Variants in UNC80 observed in about 807,000 individuals in gnomAD.
UNC80 encodes the protein protein unc-80 homolog.
A neutral mutation model predicts 384.6 loss-of-function variants in UNC80; 164 were observed. That is an observed-to-expected ratio of 0.43 (90% CI 0.38 to 0.49). The LOEUF (loss-of-function observed/expected upper bound fraction) is 0.49. Ranked by LOEUF, UNC80 falls within the 20% of genes least tolerant of loss-of-function variation. The pLI is 0.00. For missense variants in UNC80, 3,330 were observed against 4,143.0 expected, an observed-to-expected ratio of 0.80 and a Z score of 5.39; for synonymous variants, 1,486 against 1,527.8, an observed-to-expected ratio of 0.97 and a Z score of 0.64.
At chr2:209,840,444 T>A in intron 19 of UNC80, 98 bp from the exon 20 acceptor site, 1 of 983,188 alleles carries the variant, frequency 1.0e-6, no homozygotes, top group Non-Finnish European at 1.6e-6. Flanking sequence ...TACCAAGCCA[T>A]GTAACTTTCA....
chr2:209,789,009 T>G (rs1227314112), intron 5 of UNC80, among the ~76,000 whole-genome samples: 2 of 152,186 alleles, frequency 1.3e-5, no homozygotes, highest in African/African-American at 2.4e-5. Flanking sequence ...GTGTTATAAA[T>G]GCCTACAGGA....
intron 56 of UNC80, among the ~76,000 whole-genome samples, chr2:209,975,663 AC>A (rs911432054): frequency 1.7e-4 from 26 of 152,240 alleles, no homozygotes; most frequent in African/African-American, 6.3e-4. Context: ...TTTTAGTAAC[AC>A]AAATATTTAT....
Position 209,896,636 on chromosome 2 carries a change from A to G in UNC80, c.4581+223A>G, listed in dbSNP as rs923326157. On this transcript the variant is annotated intron_variant, in intron 28 of 64. Coordinates refer to ENST00000673920, the MANE Select transcript of UNC80 (RefSeq NM_001371986.1). ...TAACTAAGACCAAGTTTTTTTGGTT[A>G]TGGCTGGCTTGCAGGTCACCATAAA... Among the ~76,000 whole-genome samples, 3 of 152,170 alleles carry G rather than the reference A, an allele frequency of 2.0e-5. No homozygotes were observed. The East Asian group carries it at 5.8e-4, about 29-fold the overall frequency.
Position 209,973,251 on chromosome 2 carries a change from C to T in UNC80, c.8568C>T (p.Thr2856=). 1 of 1,551,640 alleles carries T rather than the reference C, an allele frequency of 6.4e-7. No individual in the cohort carries two copies. Among genetic ancestry groups the T allele is most frequent in the Non-Finnish European group, 8.7e-7 (1 of 1,146,976 alleles). Residue 2856 remains threonine, a synonymous_variant, in exon 56 of 65, where the codon ACC becomes ACT. Transcript: ENST00000673920. The part of the protein sequence containing the change: ...DLRREGLAES[T]SQAAYLALKV... ...GCAGGGAAGGGCTGGCTGAGTCCAC[C>T]AGCCAAGCAGCATACTTGGGTTGGT...
intron 7 of UNC80, among the ~76,000 whole-genome samples, chr2:209,805,908 TG>T (rs1223360714): frequency 6.6e-6 from 1 of 152,162 alleles, no homozygotes; most frequent in Non-Finnish European, 1.5e-5. Flanking sequence ...TCGGGGGCTA[TG>T]TTGGAGGCTG....
intron 56 of UNC80, among the ~76,000 whole-genome samples, chr2:209,974,149 G>A (rs1316805286): frequency 6.6e-6 from 1 of 152,164 alleles, no homozygotes; most frequent in Non-Finnish European, 1.5e-5. Flanking sequence ...GCAGATATTG[G>A]TGAGAAGTAT....
rs777675628 is a variant in UNC80 at position 209,777,453 on chromosome 2, G to T, written c.494G>T (p.Ser165Ile). The T allele has an allele frequency of 1.2e-6, 2 of 1,614,184 alleles. No individual in the cohort carries two copies. The highest frequency in any genetic ancestry group is 1.7e-6 in the Non-Finnish European group (2 of 1,180,028). Residue 165 changes from serine (S) to isoleucine (I), a missense_variant, in exon 4 of 65, where the codon AGC becomes ATC. This residue lies in a region of UNC80 where 937 missense variants were observed against 1,026.8 expected (regional missense o/e 0.91). Coordinates refer to ENST00000673920, the MANE Select transcript of UNC80 (RefSeq NM_001371986.1). ...TCTCCAGGGCAGCCTTGCCAAAGCA[G>T]CTCTAATGACGAAGAAGAGAACAAC... ...QGSPGQPCQS[S>I]SNDEEENNRR...
At position 209,839,209 on chromosome 2, in the gene UNC80, T is replaced by G; in HGVS notation, c.3042-13T>G. 1 of 1,550,968 alleles carries G rather than the reference T, an allele frequency of 6.4e-7. No homozygotes were observed. The highest frequency in any genetic ancestry group is 8.7e-7 in the Non-Finnish European group (1 of 1,146,806). ...TTGTCAGAAGTTTAACCCTATCCTC[T>G]GCTTGCCTACAGCGATGAACAAATG... is the stretch of plus-strand genomic sequence containing the variant. On this transcript the variant is annotated splice_polypyrimidine_tract_variant and intron_variant, in intron 18 of 64. Transcript: ENST00000673920. The surrounding 1 kb of genome is among the most constrained non-coding windows in gnomAD (Gnocchi z 4.1).
intron 60 of UNC80, 29 bp from the exon 61 acceptor site, chr2:209,984,827 A>C: frequency 6.6e-7 from 1 of 1,514,784 alleles, no homozygotes; most frequent in Non-Finnish European, 8.8e-7. Context: ...TCTTTCCCTA[A>C]ATGCTTCATC....
intron 22 of UNC80, among the ~76,000 whole-genome samples, chr2:209,870,847 A>G (rs1490983925): frequency 6.6e-6 from 1 of 152,172 alleles, no homozygotes; most frequent in Non-Finnish European, 1.5e-5. Context: ...AAGGGTTCTC[A>G]GAGGAGGTAA....
chr2:209,993,239 A>G, intron 62 of UNC80, 76 bp from the exon 63 acceptor site: 4 of 1,102,818 alleles, frequency 3.6e-6, no homozygotes, highest in Non-Finnish European at 5.2e-6. Flanking sequence ...ATCCACAGAA[A>G]CATATAAATA....
At chr2:209,888,684 C>T (rs1401011605) in intron 26 of UNC80, among the ~76,000 whole-genome samples, 6 of 152,110 alleles carry the variant, frequency 3.9e-5, no homozygotes, top group Non-Finnish European at 8.8e-5. Flanking sequence ...GGCACAATCT[C>T]GGCCCACTGC....
chr2:209,973,081 C>A lies in UNC80; in HGVS notation c.8398C>A (p.Gln2800Lys), dbSNP rs141080956. Residue 2800 changes from glutamine to lysine, a missense_variant, in exon 56 of 65, where the codon CAG (glutamine) becomes AAG (lysine). Gln to Lys is a moderately conservative substitution (Grantham distance 53). This residue lies in a region of UNC80 where 1,049 missense variants were observed against 1,488.6 expected (regional missense o/e 0.70). Transcript: ENST00000673920. ...CCCCTCAGATAGCCCATGGCTGGAG[C>A]AGCCTGAGGTGCAGCTGCTGCTGCA... ...SGSKDSPWLE[Q>K]PEVQLLLQTV... 6.4e-7 allele frequency: 1 copy of A among 1,551,564 alleles called. No homozygotes were observed. Among genetic ancestry groups the A allele is most frequent in the Non-Finnish European group, 8.7e-7 (1 of 1,146,982 alleles).
intron 26 of UNC80, among the ~76,000 whole-genome samples, chr2:209,892,938 G>A (rs2086480691): frequency 6.6e-6 from 1 of 152,160 alleles, no homozygotes; most frequent in Non-Finnish European, 1.5e-5. Flanking sequence ...TGTTCAGGGA[G>A]CTCCATGGGG....
intron 61 of UNC80, 122 bp from the exon 62 acceptor site, chr2:209,992,044 C>T (rs1363177005): frequency 1.0e-5 from 7 of 702,444 alleles, no homozygotes; most frequent in Non-Finnish European, 1.4e-5. Context: ...TCCCAACCAT[C>T]CTTCAAAGAT....
At chr2:209,793,301 C>T (rs2077942578) in intron 6 of UNC80, among the ~76,000 whole-genome samples, 1 of 152,166 alleles carries the variant, frequency 6.6e-6, no homozygotes, top group South Asian at 2.1e-4. Context: ...TAACCTTGTA[C>T]TTCTGTTCTC....
At chr2:209,903,281 A>T in intron 28 of UNC80, among the ~76,000 whole-genome samples, 2 of 119,586 alleles carry the variant, frequency 1.7e-5, no homozygotes, top group East Asian at 2.7e-4. Flanking sequence ...GAGCTGACTT[A>T]TGTGTGTGTG....
intron 28 of UNC80, among the ~76,000 whole-genome samples, chr2:209,899,549 C>A (rs1351856958): frequency 1.3e-5 from 2 of 152,180 alleles, no homozygotes; most frequent in Non-Finnish European, 2.9e-5. Flanking sequence ...AGAGGATTCA[C>A]CCTGTCCTCT....
intron 17 of UNC80, among the ~76,000 whole-genome samples, chr2:209,834,587 T>A (rs1300296040): frequency 3.3e-5 from 5 of 152,202 alleles, no homozygotes; most frequent in Non-Finnish European, 7.3e-5. Context: ...TAGCCTGTTG[T>A]TTTTCCTTCT....
Sources: gnomAD v4.1 joint callset for allele counts (sites outside exome capture counted in the v4.1 genomes callset) on GRCh38, gnomAD v4.1.1 for gene constraint, gnomAD v4.1.1 regional missense constraint, Gnocchi (gnomAD v3.1) non-coding constraint, MANE v1.5 for transcripts, NCBI Gene and HGNC (gene_info 2026-07-23, HGNC 2026-07-21) for gene names.